Variants in MACROD1 observed in about 807,000 individuals in gnomAD.
The protein encoded by MACROD1 is ADP-ribose glycohydrolase MACROD1.
Under a neutral mutation model 41.4 loss-of-function variants are expected in MACROD1, and 31 were observed. That is an observed-to-expected ratio of 0.75 (90% CI 0.56 to 1.01). MACROD1 has a LOEUF of 1.01. Ranked by LOEUF, MACROD1 falls within the 50% of genes least tolerant of loss-of-function variation. The pLI is 0.00. For missense variants in MACROD1, 473 were observed against 460.0 expected (o/e 1.03, Z -0.26); for synonymous variants, 252 against 203.4 (o/e 1.24, Z -2.03).
intron 1 of MACROD1, among the ~76,000 whole-genome samples, chr11:64,159,924 G>A (rs1590982327): frequency 6.6e-6 from 1 of 152,252 alleles, no homozygotes; most frequent in African/African-American, 2.4e-5. Flanking sequence ...CAGCCTGAAG[G>A]TATGTACATA....
intron 3 of MACROD1, among the ~76,000 whole-genome samples, chr11:64,109,550 G>A (rs2134587391): frequency 6.6e-6 from 1 of 152,310 alleles, no homozygotes; most frequent in South Asian, 2.1e-4. Context: ...AGGGGTGGGA[G>A]TGAGTGTGGC....
chr11:64,148,757 G>A (rs760865148), intron 3 of MACROD1: 125 of 985,620 alleles, frequency 1.3e-4, no homozygotes, highest in Non-Finnish European at 1.4e-4. Context: ...CGTTGCCAAC[G>A]ACTTTTATTC....
chr11:64,130,700 G>A (rs1478423925), intron 3 of MACROD1, among the ~76,000 whole-genome samples: 2 of 152,002 alleles, frequency 1.3e-5, no homozygotes, highest in African/African-American at 2.4e-5. Context: ...CACACATGCC[G>A]CTGCCTCCCC....
At chr11:64,001,628 G>A (rs1472831778) in intron 4 of MACROD1, 4 of 701,004 alleles carry the variant, frequency 5.7e-6, no homozygotes, top group Non-Finnish European at 1.0e-5. Flanking sequence ...TTCCCAGAGC[G>A]TCCCAGGGAT....
intron 3 of MACROD1, among the ~76,000 whole-genome samples, chr11:64,125,728 A>G (rs1945168366): frequency 6.6e-6 from 1 of 152,030 alleles, no homozygotes; most frequent in African/African-American, 2.4e-5. Flanking sequence ...TGTGTCAGTA[A>G]CTCAGTTTCC....
chr11:64,136,418 G>A (rs1280761849), intron 3 of MACROD1, among the ~76,000 whole-genome samples: 1 of 152,222 alleles, frequency 6.6e-6, no homozygotes, highest in Admixed American at 6.5e-5. Context: ...CTCAGGCCAT[G>A]ACTGTGATGG....
At chr11:64,151,214 T>C (rs1160339620) in intron 3 of MACROD1, 25 bp downstream of exon 3, 2 of 1,592,634 alleles carry the variant, frequency 1.3e-6, no homozygotes, top group Non-Finnish European at 1.7e-6. Context: ...GGCCACCAGG[T>C]CTCTGGTTCA....
intron 3 of MACROD1, among the ~76,000 whole-genome samples, chr11:64,136,393 G>A (rs974696389): frequency 2.0e-5 from 3 of 152,202 alleles, no homozygotes; most frequent in African/African-American, 7.2e-5. Flanking sequence ...TGAGAAGTGG[G>A]ACTCATAGCC....
intron 3 of MACROD1, among the ~76,000 whole-genome samples, chr11:64,023,356 G>A (rs938009207): frequency 7.2e-5 from 11 of 152,234 alleles, no homozygotes; most frequent in African/African-American, 2.6e-4. Context: ...CCCACCTCCT[G>A]GGGCCTCAGT....
At chr11:64,008,793 A>G (rs562865) in intron 4 of MACROD1, among the ~76,000 whole-genome samples, 74,720 of 151,926 alleles carry the variant, frequency 0.49, 19,938 homozygotes, top group African/African-American at 0.7. Context: ...GGAAGGCCCC[A>G]GACAGAATGT....
intron 3 of MACROD1, among the ~76,000 whole-genome samples, chr11:64,105,423 G>C (rs1384923807): frequency 6.6e-6 from 1 of 152,214 alleles, no homozygotes; most frequent in East Asian, 1.9e-4. Context: ...CCTGGGTTGG[G>C]GCCTGGCCCT....
chr11:64,166,035 T>A lies in MACROD1; in HGVS notation c.-41A>T. ...GACGGCTCTCCGCCCACTTGGACTC[T>A]ATTTACGGCGCTCGGGAGTGTCTCT... On this transcript the variant is annotated 5_prime_UTR_variant, in exon 1 of 11. Coordinates refer to ENST00000255681, the MANE Select transcript of MACROD1 (RefSeq NM_014067.4). 8.0e-7 allele frequency: 1 copy of A among 1,246,406 alleles called. No individual in the cohort carries two copies. Among genetic ancestry groups the A allele is most frequent in the Non-Finnish European group, 1.0e-6 (1 of 997,492 alleles). 77.2% of individuals were successfully genotyped at this position (1,246,406 alleles called of 1,614,324 possible).
intron 5 of MACROD1, 28 bp downstream of exon 5, chr11:64,000,199 C>A: frequency 6.3e-7 from 1 of 1,587,276 alleles, no homozygotes; most frequent in African/African-American, 1.3e-5. Flanking sequence ...GTCTGCGCCC[C>A]ACAGCTGGGG....
chr11:64,058,405 G>A (rs531679025), intron 3 of MACROD1, among the ~76,000 whole-genome samples: 3 of 144,826 alleles, frequency 2.1e-5, no homozygotes, highest in Admixed American at 2.0e-4. Context: ...GGAGGGCTTG[G>A]GGGGGGGTCC....
chr11:64,155,335 C>T (rs1467038143), intron 1 of MACROD1, among the ~76,000 whole-genome samples: 1 of 152,260 alleles, frequency 6.6e-6, no homozygotes, highest in Admixed American at 6.5e-5. Context: ...AGGTCTGCCT[C>T]CCTGTCTGAG....
intron 3 of MACROD1, among the ~76,000 whole-genome samples, chr11:64,034,475 G>A (rs1486796914): frequency 1.3e-5 from 2 of 152,252 alleles, no homozygotes; most frequent in Non-Finnish European, 2.9e-5. Flanking sequence ...GTTAAGGGGA[G>A]GGAAATTAGA....
intron 1 of MACROD1, among the ~76,000 whole-genome samples, chr11:64,152,728 G>A (rs1259304090): frequency 1.3e-5 from 2 of 152,168 alleles, no homozygotes; most frequent in African/African-American, 2.4e-5. Context: ...TTAGAACGGG[G>A]GTGAAGACGT....
rs745977740 is a variant in MACROD1, at chr11:64,116,703, T to C, written c.517+34536A>G. 3.7e-6 allele frequency: 6 copies of C among 1,613,608 alleles called. No homozygotes were observed. The South Asian group carries it at 5.5e-5, about 15-fold the overall frequency. ...CAATGTGCGCACCATTGCCAGGGAC[T>C]CGCTGGCCCGCATCCCGCTGCTGGA... On this transcript the variant is annotated intron_variant, in intron 3 of 10. Coordinates refer to ENST00000255681, the MANE Select transcript of MACROD1 (RefSeq NM_014067.4).
At chr11:64,138,577 C>T (rs1045712344) in intron 3 of MACROD1, 31 of 984,660 alleles carry the variant, frequency 3.1e-5, no homozygotes, top group Non-Finnish European at 3.7e-5. Context: ...AATAAAACAG[C>T]CGCGGGCCCT....
Sources: gnomAD v4.1 joint callset for allele counts (sites outside exome capture counted in the v4.1 genomes callset) on GRCh38, gnomAD v4.1.1 for gene constraint, MANE v1.5 for transcripts, NCBI Gene and HGNC (gene_info 2026-07-23, HGNC 2026-07-21) for gene names.